PLD5: variants seen among roughly 807,000 people sequenced by gnomAD.
The protein encoded by PLD5 is phospholipase D family member 5, also known as inactive phospholipase D5.
A neutral mutation model predicts 61.1 loss-of-function variants in PLD5; 36 were observed. The ratio of observed to expected loss-of-function variants is 0.59; its 90% CI spans 0.45 to 0.78. PLD5 has a LOEUF of 0.78. PLD5 is among the 30% of genes least tolerant of loss of function. The pLI is 0.00. For synonymous variants in PLD5, 243 were observed against 242.8 expected (o/e 1.00, Z -0.01); for missense variants, 515 against 644.4 (o/e 0.80, Z 2.17).
intron 1 of PLD5, among the ~76,000 whole-genome samples, chr1:242,482,827 A>G (rs964642647): frequency 3.3e-5 from 5 of 152,242 alleles, no homozygotes; most frequent in Non-Finnish European, 7.3e-5. Flanking sequence ...TGTTACCCAC[A>G]AAGGGAAGCC....
intron 1 of PLD5, among the ~76,000 whole-genome samples, chr1:242,511,711 G>A (rs1668915573): frequency 6.6e-6 from 1 of 152,206 alleles, no homozygotes; most frequent in Non-Finnish European, 1.5e-5. Flanking sequence ...TGGACAAGAG[G>A]TGACCAGGGA....
At chr1:242,386,620 G>A (rs1475988597) in intron 1 of PLD5, among the ~76,000 whole-genome samples, 2 of 152,130 alleles carry the variant, frequency 1.3e-5, no homozygotes, top group African/African-American at 4.8e-5. Flanking sequence ...ACACATCTGA[G>A]CTGCAGAAGT....
At chr1:242,218,998 A>G (rs1352853108) in intron 5 of PLD5, among the ~76,000 whole-genome samples, 1 of 152,222 alleles carries the variant, frequency 6.6e-6, no homozygotes, top group Non-Finnish European at 1.5e-5. Context: ...CCATAAATGT[A>G]AGGTAATGAT....
At chr1:242,419,001 T>C (rs1004863831) in intron 1 of PLD5, among the ~76,000 whole-genome samples, 1 of 141,592 alleles carries the variant, frequency 7.1e-6, no homozygotes, top group Non-Finnish European at 1.5e-5. Context: ...CTTGTTCTTC[T>C]AAATAAGTGG....
At chr1:242,238,166 CT>C (rs1484060829) in intron 4 of PLD5, among the ~76,000 whole-genome samples, 7 of 152,108 alleles carry the variant, frequency 4.6e-5, no homozygotes, top group African/African-American at 1.7e-4. Context: ...TGGTGAAGAA[CT>C]TTGTGAGGTA....
intron 1 of PLD5, among the ~76,000 whole-genome samples, chr1:242,478,401 G>C (rs546093642): frequency 3.9e-5 from 6 of 152,296 alleles, no homozygotes; most frequent in Admixed American, 2.0e-4. Flanking sequence ...CAGAGGAGCA[G>C]GTAGAAAAGG....
At chr1:242,483,871 A>G (rs748558288) in intron 1 of PLD5, among the ~76,000 whole-genome samples, 89 of 152,136 alleles carry the variant, frequency 5.9e-4, no homozygotes, top group Non-Finnish European at 1.0e-3. Flanking sequence ...CTCAGACCAC[A>G]GTGCAATCAA....
chr1:242,211,518 C>A (rs1379207093), intron 5 of PLD5, among the ~76,000 whole-genome samples: 1 of 152,154 alleles, frequency 6.6e-6, no homozygotes, highest in Non-Finnish European at 1.5e-5. Flanking sequence ...TCTGTACTAA[C>A]TAAATACAAG....
intron 1 of PLD5, among the ~76,000 whole-genome samples, chr1:242,386,886 A>G (rs1011967011): frequency 6.6e-6 from 1 of 152,224 alleles, no homozygotes; most frequent in Non-Finnish European, 1.5e-5. Flanking sequence ...TAGAGGAAGC[A>G]TCATGTTGTC....
chr1:242,458,394 A>T (rs12094880), intron 1 of PLD5, among the ~76,000 whole-genome samples: 39,402 of 152,182 alleles, frequency 0.26, 5,296 homozygotes, highest in Middle Eastern at 0.32. Context: ...ACTTATCAAA[A>T]AAGTAGTGAC....
chr1:242,402,678 C>G (rs1009381557), intron 1 of PLD5, among the ~76,000 whole-genome samples: 4 of 152,162 alleles, frequency 2.6e-5, no homozygotes, highest in Admixed American at 2.6e-4. Flanking sequence ...TTCTCTACAA[C>G]CAGTATTTTG....
Position 242,167,075 on chromosome 1 carries a change from A to ATAG in PLD5, c.736-42413_736-42411dup, listed in dbSNP as rs57342372. On this transcript the variant is annotated intron_variant, in intron 5 of 9. Transcript: ENST00000536534. ...CTTTTGAGAGTGAGAGACAATAATA[A>ATAG]TAGTAATAATAATAATAATAATAAT... is the stretch of plus-strand genomic sequence containing the variant. 1.3e-4 allele frequency among the ~76,000 whole-genome samples: 7 copies of ATAG among 52,414 alleles called. No individual in the cohort carries two copies. In the East Asian group the frequency reaches 2.1e-3, roughly 16 times the overall value. 34.4% of individuals were successfully genotyped at this position (52,414 alleles called of 152,430 possible). A position where few individuals can be genotyped will look rare whatever the true frequency, so the allele number is the denominator to read the frequency against.
Position 242,464,382 on chromosome 1 carries a change from G to A in PLD5, c.189+59706C>T, listed in dbSNP as rs112559116. On this transcript the variant is annotated intron_variant, in intron 1 of 9. Coordinates refer to ENST00000536534, the MANE Select transcript of PLD5 (RefSeq NM_001372062.1). Reference sequence around the variant, plus strand: ...TCTCACCCTGCCCAAACTCAACGCTGATCATCCCATTCTTCCCTATTTAGC... The same window carrying A: ...TCTCACCCTGCCCAAACTCAACGCTAATCATCCCATTCTTCCCTATTTAGC... Among the ~76,000 whole-genome samples, 3 of 152,160 alleles carry A rather than the reference G, an allele frequency of 2.0e-5. No individual in the cohort carries two copies. In the South Asian group the frequency reaches 6.2e-4, roughly 32 times the overall value.
rs1024975104 is a variant in PLD5 at position 242,085,163 on chromosome 1, CT to C, written c.*4690del. On this transcript the variant is annotated 3_prime_UTR_variant, in exon 10 of 10. Transcript: ENST00000536534. ...AAGGAACATTAAAAATTCAAGATAC[CT>C]TTTGTAACAGAATTAGAAGTTTAGT... 1.3e-5 allele frequency: 2 copies of C among 151,842 alleles called. No individual in the cohort carries two copies. Among genetic ancestry groups the C allele is most frequent in the African/African-American group, 4.8e-5 (2 of 41,328 alleles). The allele number at this position is 151,842 out of a possible 1,614,324, so 9.4% of individuals were successfully genotyped here. A position where few individuals can be genotyped will look rare whatever the true frequency, so the allele number is the denominator to read the frequency against.
chr1:242,361,619 T>C (rs1661070508), intron 1 of PLD5, among the ~76,000 whole-genome samples: 1 of 152,236 alleles, frequency 6.6e-6, no homozygotes, highest in Non-Finnish European at 1.5e-5. Context: ...AGCCAATCTG[T>C]ACTTTCACAG....
intron 1 of PLD5, among the ~76,000 whole-genome samples, chr1:242,508,989 GA>G (rs1327758688): frequency 3.3e-5 from 5 of 152,292 alleles, no homozygotes; most frequent in Admixed American, 1.3e-4. Flanking sequence ...GCTGAGGCAG[GA>G]GAATCACTTG....
intron 1 of PLD5, among the ~76,000 whole-genome samples, chr1:242,415,188 T>G (rs957899972): frequency 5.9e-5 from 9 of 152,186 alleles, no homozygotes; most frequent in African/African-American, 2.2e-4. Context: ...AGAGGAGAAT[T>G]TGGTAGCATC....
chr1:242,163,034 G>A lies in PLD5; in HGVS notation c.736-38369C>T, dbSNP rs147879939. ...CTACAGGTGTTTATTAGTTTGTTCT[G>A]GTTCTGAATGTTATAAACATCTCAG... is the stretch of plus-strand genomic sequence containing the variant. On this transcript the variant is annotated intron_variant, in intron 5 of 9. Transcript: ENST00000536534. Among the ~76,000 whole-genome samples the A allele has an allele frequency of 1.9e-3, 294 of 152,110 alleles. 1 individual carries two copies. The highest frequency in any genetic ancestry group is 6.7e-3 in the African/African-American group (277 of 41,492).
In PLD5 at chr1:242,394,520, A is replaced by G. The variant is rs559555921; in HGVS notation, c.190-46278T>C. ...TATATGTGTATATATGTGAACATAT[A>G]TATGTGTATATATGTGAACATATAT... is the stretch of plus-strand genomic sequence containing the variant. On this transcript the variant is annotated intron_variant, in intron 1 of 9. Transcript: ENST00000536534. Among the ~76,000 whole-genome samples, 7 of 53,330 alleles carry G rather than the reference A, an allele frequency of 1.3e-4. 1 individual carries two copies. The highest frequency in any genetic ancestry group is 6.2e-4 in the African/African-American group (7 of 11,206). The allele number at this position is 53,330 out of a possible 152,430, so 35.0% of individuals were successfully genotyped here. A position where few individuals can be genotyped will look rare whatever the true frequency, so the allele number is the denominator to read the frequency against.
Sources: allele counts gnomAD v4.1 joint callset (sites outside exome capture counted in the v4.1 genomes callset), GRCh38; gene constraint gnomAD v4.1.1; transcripts MANE v1.5; gene names NCBI Gene and HGNC (gene_info 2026-07-23, HGNC 2026-07-21).